STK39: variants seen among roughly 807,000 people sequenced by gnomAD.
The protein encoded by STK39 is serine/threonine kinase 39.
STK39 carries 20 observed loss-of-function variants against 77.8 expected under a neutral mutation model. The observed-to-expected ratio is 0.26, with a 90% CI of 0.18 to 0.37. The LOEUF is 0.37. Among genes scored for constraint, STK39 ranks in the 10% least tolerant of loss-of-function variants. The pLI is 1.00. For synonymous variants in STK39, 246 were observed against 234.1 expected, an observed-to-expected ratio of 1.05 and a Z score of -0.47; for missense variants, 479 against 656.5, an observed-to-expected ratio of 0.73 and a Z score of 2.95.
At chr2:168,092,206 C>G (rs956871163) in intron 10 of STK39, among the ~76,000 whole-genome samples, 1 of 152,204 alleles carries the variant, frequency 6.6e-6, no homozygotes, top group Non-Finnish European at 1.5e-5. Context: ...AGAACACCAT[C>G]TTCACAGGGA....
chr2:168,046,606 T>C (rs1685248527), intron 14 of STK39, among the ~76,000 whole-genome samples: 1 of 152,194 alleles, frequency 6.6e-6, no homozygotes, highest in Non-Finnish European at 1.5e-5. Context: ...CTGGCCTATA[T>C]CTCTTCAGAG....
chr2:168,040,092 T>C (rs561796967), intron 14 of STK39, among the ~76,000 whole-genome samples: 1 of 152,218 alleles, frequency 6.6e-6, no homozygotes, highest in African/African-American at 2.4e-5. Context: ...AACACCGCAC[T>C]CCGATCTACA....
chr2:168,103,075 C>T (rs1359013564), intron 10 of STK39, among the ~76,000 whole-genome samples: 1 of 152,006 alleles, frequency 6.6e-6, no homozygotes, highest in Admixed American at 6.6e-5. Context: ...CACACTGGCT[C>T]AGGGTCACAT....
chr2:168,243,506 A>G (rs1220613115), intron 1 of STK39, among the ~76,000 whole-genome samples: 1 of 152,220 alleles, frequency 6.6e-6, no homozygotes, highest in African/African-American at 2.4e-5. Flanking sequence ...ACCACCCGGG[A>G]CAAAAGTGAA....
At chr2:168,188,907 G>T (rs1005413968) in intron 1 of STK39, among the ~76,000 whole-genome samples, 2 of 152,068 alleles carry the variant, frequency 1.3e-5, no homozygotes, top group African/African-American at 4.8e-5. Flanking sequence ...CAAACCGCTC[G>T]CCTCCACTGA....
At chr2:168,184,731 C>A (rs1574536573) in intron 1 of STK39, among the ~76,000 whole-genome samples, 1 of 152,300 alleles carries the variant, frequency 6.6e-6, no homozygotes, top group South Asian at 2.1e-4. Flanking sequence ...TGGAGGCCAG[C>A]ATTGTTTAAG....
chr2:167,993,714 T>C (rs1574374730), intron 16 of STK39, among the ~76,000 whole-genome samples: 1 of 152,340 alleles, frequency 6.6e-6, no homozygotes, highest in East Asian at 1.9e-4. Context: ...TTTCTGTTAC[T>C]TGTAGCTTAA....
chr2:167,977,598 A>AG, intron 16 of STK39, among the ~76,000 whole-genome samples: 1 of 149,284 alleles, frequency 6.7e-6, no homozygotes, highest in African/African-American at 2.5e-5. Context: ...AACAAAGGGG[A>AG]TTGTTGAGTG....
intron 1 of STK39, among the ~76,000 whole-genome samples, chr2:168,204,194 A>T (rs1689682558): frequency 6.6e-6 from 1 of 152,200 alleles, no homozygotes; most frequent in African/African-American, 2.4e-5. Context: ...CTAAATACAC[A>T]AGGTGCTATG....
At chr2:168,194,463 G>A (rs1472908759) in intron 1 of STK39, among the ~76,000 whole-genome samples, 1 of 151,634 alleles carries the variant, frequency 6.6e-6, no homozygotes, top group Non-Finnish European at 1.5e-5. Context: ...CAAAAATGAA[G>A]ATTCAACATT....
At chr2:168,037,601 T>G (rs1481000608) in intron 14 of STK39, among the ~76,000 whole-genome samples, 7 of 152,146 alleles carry the variant, frequency 4.6e-5, no homozygotes, top group Non-Finnish European at 1.0e-4. Flanking sequence ...AACCACAAGA[T>G]GCAATCCTAA....
At chr2:168,161,956 T>TATTATG in intron 4 of STK39, 114 bp from the exon 5 acceptor site, 1 of 671,190 alleles carries the variant, frequency 1.5e-6, no homozygotes, top group Non-Finnish European at 2.4e-6. Flanking sequence ...ACATAATAAT[T>TATTATG]TCATAAATAT....
intron 16 of STK39, among the ~76,000 whole-genome samples, chr2:168,010,333 T>G (rs1310917604): frequency 6.6e-6 from 1 of 152,218 alleles, no homozygotes; most frequent in Non-Finnish European, 1.5e-5. Flanking sequence ...AAGTGTATAC[T>G]TATGTTTTCT....
chr2:168,034,415 G>C (rs1684900903), intron 14 of STK39, among the ~76,000 whole-genome samples: 1 of 152,258 alleles, frequency 6.6e-6, no homozygotes, highest in Non-Finnish European at 1.5e-5. Flanking sequence ...TGTGAAGTTA[G>C]AAGATATAGA....
intron 14 of STK39, among the ~76,000 whole-genome samples, chr2:168,046,171 T>C (rs954793095): frequency 2.0e-5 from 3 of 151,948 alleles, no homozygotes; most frequent in African/African-American, 7.3e-5. Flanking sequence ...ATCGAGACCA[T>C]CCTGGCCAAC....
At position 168,247,409 on chromosome 2, in the gene STK39, C is replaced by T. The variant is rs778655632; in HGVS notation, c.27G>A (p.Val9=). The change falls in exon 1 of 18, where the codon GTG becomes GTA. Residue 9 remains valine, a synonymous_variant. Transcript: ENST00000355999. MAEPSGSP[V]HVQLPQQAAP... ...CCGCCTGCTGGGGAAGCTGGACGTG[C>T]ACGGGCGAGCCGCTCGGCTCCGCCA... is the stretch of plus-strand genomic sequence containing the variant. 5.5e-5 allele frequency: 66 copies of T among 1,207,210 alleles called. No homozygotes were observed. In the African/African-American group the frequency reaches 8.7e-4, roughly 16 times the overall value. The allele number at this position is 1,207,210 out of a possible 1,614,324, so 74.8% of individuals were successfully genotyped here.
intron 14 of STK39, among the ~76,000 whole-genome samples, chr2:168,044,552 C>T (rs1026888840): frequency 1.3e-5 from 2 of 152,094 alleles, no homozygotes; most frequent in Non-Finnish European, 2.9e-5. Flanking sequence ...AAAGATCAGC[C>T]TCTAATAATT....
intron 1 of STK39, among the ~76,000 whole-genome samples, chr2:168,217,081 G>A (rs1187846670): frequency 1.3e-5 from 2 of 152,220 alleles, no homozygotes; most frequent in South Asian, 2.1e-4. Flanking sequence ...ATCCTATGAT[G>A]TGAATAAACT....
chr2:168,118,897 A>G (rs1298972625), intron 10 of STK39, among the ~76,000 whole-genome samples: 1 of 152,204 alleles, frequency 6.6e-6, no homozygotes, highest in African/African-American at 2.4e-5. Flanking sequence ...CAGTTCTCAA[A>G]TAACTAAAAA....
Sources: allele counts gnomAD v4.1 joint callset (sites outside exome capture counted in the v4.1 genomes callset), GRCh38; gene constraint gnomAD v4.1.1; transcripts MANE v1.5; gene names NCBI Gene and HGNC (gene_info 2026-07-23, HGNC 2026-07-21).